The following NEGR1 variants were observed in gnomAD, a reference collection of about 807,000 sequenced individuals.
The protein encoded by NEGR1 is IgLON family member 4.
In NEGR1, 10 loss-of-function variants were observed where a neutral mutation model predicts 40.9. That is an observed-to-expected ratio of 0.24 (90% CI 0.15 to 0.42). The LOEUF (loss-of-function observed/expected upper bound fraction) is 0.42. NEGR1 is among the 10% of genes least tolerant of loss of function. The pLI is 1.00. For missense variants in NEGR1, 352 were observed against 438.9 expected (o/e 0.80, Z 1.77); for synonymous variants, 185 against 166.8 (o/e 1.11, Z -0.84).
At chr1:72,115,622 A>C (rs879335673) in intron 1 of NEGR1, among the ~76,000 whole-genome samples, 13 of 151,716 alleles carry the variant, frequency 8.6e-5, no homozygotes, top group Non-Finnish European at 1.8e-4. Flanking sequence ...CTATACCTTT[A>C]AAGTGTGTAT....
At chr1:72,076,922 G>A (rs1339774918) in intron 1 of NEGR1, among the ~76,000 whole-genome samples, 2 of 117,604 alleles carry the variant, frequency 1.7e-5, no homozygotes, top group Non-Finnish European at 3.3e-5. Context: ...GGAAAACAGA[G>A]TGTCGGTCTG....
intron 6 of NEGR1, among the ~76,000 whole-genome samples, chr1:71,572,378 T>C (rs1307645656): frequency 1.3e-5 from 2 of 152,208 alleles, no homozygotes; most frequent in African/African-American, 2.4e-5. Flanking sequence ...GTCATTATCA[T>C]CTGTTTCACA....
In NEGR1 at chr1:71,677,271, G is replaced by A. The variant is rs138476845; in HGVS notation, c.667+20737C>T. 2.9e-4 allele frequency among the ~76,000 whole-genome samples: 44 copies of A among 151,938 alleles called. No homozygotes were observed. The East Asian group carries it at 5.6e-3, about 19-fold the overall frequency. On this transcript the variant is annotated intron_variant, in intron 4 of 6. Coordinates refer to ENST00000357731, the MANE Select transcript of NEGR1 (RefSeq NM_173808.3). ...CATTTGTTCCCACAATCTGGTCTCCGGATAGGATAAAATCGTAATTTACTA... is the reference window on the plus strand; with the variant it reads ...CATTTGTTCCCACAATCTGGTCTCCAGATAGGATAAAATCGTAATTTACTA...
chr1:71,735,621 A>G (rs919960147), intron 3 of NEGR1, among the ~76,000 whole-genome samples: 2 of 152,128 alleles, frequency 1.3e-5, no homozygotes, highest in Non-Finnish European at 2.9e-5. Context: ...AACTGCAAAA[A>G]TGAATACACA....
chr1:72,199,146 C>CAGAG (rs1339899074), intron 1 of NEGR1, among the ~76,000 whole-genome samples: 2,831 of 139,008 alleles, frequency 0.02, 37 homozygotes, highest in African/African-American at 0.036. Context: ...TCTAGATAGA[C>CAGAG]AGACAGAGAG....
intron 1 of NEGR1, among the ~76,000 whole-genome samples, chr1:72,163,729 A>AATAG (rs756796363): frequency 0.013 from 774 of 60,338 alleles, 2 homozygotes; most frequent in Non-Finnish European, 0.014. Flanking sequence ...ACAGATATCT[A>AATAG]ATAGATAGAT....
At chr1:72,201,372 C>T (rs898399843) in intron 1 of NEGR1, among the ~76,000 whole-genome samples, 2 of 150,574 alleles carry the variant, frequency 1.3e-5, no homozygotes, top group South Asian at 2.1e-4. Flanking sequence ...TATAGTGATA[C>T]AAAATATCAG....
At chr1:72,277,303 C>T (rs1483742054) in intron 1 of NEGR1, among the ~76,000 whole-genome samples, 1 of 152,104 alleles carries the variant, frequency 6.6e-6, no homozygotes, top group African/African-American at 2.4e-5. Context: ...CTAGAACTGA[C>T]ACAGACCATG....
At chr1:71,777,634 G>T (rs375772529) in intron 2 of NEGR1, among the ~76,000 whole-genome samples, 37 of 151,862 alleles carry the variant, frequency 2.4e-4, no homozygotes, top group African/African-American at 8.5e-4. Flanking sequence ...CCTTCTTTGG[G>T]TTTCTTTATG....
At chr1:72,277,991 A>G (rs1181793052) in intron 1 of NEGR1, among the ~76,000 whole-genome samples, 2 of 152,166 alleles carry the variant, frequency 1.3e-5, no homozygotes, top group African/African-American at 4.8e-5. Flanking sequence ...TAGTTAATGT[A>G]GTCTAATAAA....
At chr1:72,198,347 T>C (rs1167298034) in intron 1 of NEGR1, among the ~76,000 whole-genome samples, 3 of 152,080 alleles carry the variant, frequency 2.0e-5, no homozygotes, top group South Asian at 4.1e-4. Flanking sequence ...AGATGTAATA[T>C]GGGAACTGAA....
At chr1:71,927,102 C>G (rs10493488) in intron 2 of NEGR1, among the ~76,000 whole-genome samples, 19,700 of 152,054 alleles carry the variant, frequency 0.13, 1,667 homozygotes, top group East Asian at 0.43. Context: ...ATCATAGTAG[C>G]TAAACCCATA....
At chr1:71,930,759 T>G (rs1645847844) in intron 2 of NEGR1, among the ~76,000 whole-genome samples, 1 of 152,136 alleles carries the variant, frequency 6.6e-6, no homozygotes, top group African/African-American at 2.4e-5. Context: ...AATATCCTTG[T>G]GATCAGCCGC....
intron 2 of NEGR1, among the ~76,000 whole-genome samples, chr1:71,902,359 A>T (rs1306810634): frequency 2.6e-5 from 4 of 152,202 alleles, no homozygotes; most frequent in Admixed American, 2.0e-4. Flanking sequence ...TATCCAAAAA[A>T]CCTGATAGAG....
Position 71,589,684 on chromosome 1 carries a change from C to T in NEGR1, c.940+3133G>A, listed in dbSNP as rs12037448. ...GCCAGATTTGGTCATTAATGGCTAT[C>T]TCCTAATTAGCTCTCAACTCTCTCA... On this transcript the variant is annotated intron_variant, in intron 6 of 6. Transcript: ENST00000357731. 0.011 allele frequency among the ~76,000 whole-genome samples: 1,638 copies of T among 152,170 alleles called. 87 individuals are homozygous for T. The East Asian group carries it at 0.17, about 15-fold the overall frequency.
At chr1:71,771,585 A>G (rs1273332226) in intron 3 of NEGR1, among the ~76,000 whole-genome samples, 1 of 151,654 alleles carries the variant, frequency 6.6e-6, no homozygotes, top group Non-Finnish European at 1.5e-5. Context: ...CTGTAATCCC[A>G]GCTACCCGGA....
intron 2 of NEGR1, among the ~76,000 whole-genome samples, chr1:71,906,155 C>T (rs1454002842): frequency 6.6e-6 from 1 of 151,992 alleles, no homozygotes; most frequent in Non-Finnish European, 1.5e-5. Flanking sequence ...TGGGTGCTGC[C>T]CAATTCATAA....
intron 4 of NEGR1, among the ~76,000 whole-genome samples, chr1:71,630,535 GT>G (rs1650939697): frequency 6.6e-6 from 1 of 151,886 alleles, no homozygotes; most frequent in Non-Finnish European, 1.5e-5. Flanking sequence ...GTGTTCTGCT[GT>G]GTGCCCCATA....
At chr1:72,114,956 C>T (rs965653686) in intron 1 of NEGR1, among the ~76,000 whole-genome samples, 8 of 151,596 alleles carry the variant, frequency 5.3e-5, no homozygotes, top group Non-Finnish European at 8.8e-5. Context: ...AACAAGACAC[C>T]GTGTTATATT....
Sources: gnomAD v4.1 joint callset for allele counts (sites outside exome capture counted in the v4.1 genomes callset) on GRCh38, gnomAD v4.1.1 for gene constraint, MANE v1.5 for transcripts, NCBI Gene and HGNC (gene_info 2026-07-23, HGNC 2026-07-21) for gene names.